Variants in RNF175 observed in about 807,000 individuals in gnomAD.
RNF175 encodes ring finger protein 175.
RNF175 carries 38 observed loss-of-function variants against 50.0 expected under a neutral mutation model. The observed-to-expected ratio is 0.76, with a 90% CI of 0.59 to 1.00. The LOEUF is 1.00. Ranked by LOEUF, RNF175 falls within the 50% of genes least tolerant of loss-of-function variation. RNF175 has a pLI of 0.00. For synonymous variants in RNF175, 155 were observed against 146.1 expected (o/e 1.06, Z -0.44); for missense variants, 388 against 409.6 (o/e 0.95, Z 0.46).
In RNF175 at chr4:153,723,484, CA is replaced by C. The variant is rs1428036324; in HGVS notation, c.402-27del. ...CTGTGGAGTGAAAAATGGGGAGAAA[CA>C]CAGAACACAGAAACACAGAAAAATG... On this transcript the variant is annotated intron_variant, in intron 4 of 8. Transcript: ENST00000347063. 8.2e-6 allele frequency: 8 copies of C among 971,862 alleles called. No individual in the cohort carries two copies. The South Asian group carries it at 1.1e-4, about 13-fold the overall frequency. 60.2% of individuals were successfully genotyped at this position (971,862 alleles called of 1,614,324 possible).
chr4:153,757,211 A>T (rs6857680), intron 1 of RNF175, among the ~76,000 whole-genome samples: 3 of 151,950 alleles, frequency 2.0e-5, no homozygotes, highest in Non-Finnish European at 4.4e-5. Flanking sequence ...ACCAGGATAT[A>T]TACTGACCTT....
chr4:153,744,592 T>C (rs978777697), intron 3 of RNF175, among the ~76,000 whole-genome samples: 1 of 152,314 alleles, frequency 6.6e-6, no homozygotes, highest in East Asian at 1.9e-4. Flanking sequence ...AATTTAGAGA[T>C]AATGATTAAT....
chr4:153,750,365 T>A (rs959515981), intron 2 of RNF175, among the ~76,000 whole-genome samples: 17 of 152,142 alleles, frequency 1.1e-4, no homozygotes, highest in African/African-American at 3.4e-4. Context: ...CAAAGAGCAG[T>A]GAATGCCTCA....
At chr4:153,743,165 T>A (rs1739769777) in intron 3 of RNF175, among the ~76,000 whole-genome samples, 1 of 152,184 alleles carries the variant, frequency 6.6e-6, no homozygotes, top group Admixed American at 6.6e-5. Context: ...TGGAAACCAG[T>A]GTTAGAATAA....
chr4:153,730,088 G>T lies in RNF175; in HGVS notation c.247-1727C>A, dbSNP rs536492630. ...CCGAAACCATATGCTAAGTAACCAA[G>T]ACTCAAGATGTGCTTACTTAAGCAT... On this transcript the variant is annotated intron_variant, in intron 3 of 8. Transcript: ENST00000347063. Among the ~76,000 whole-genome samples the T allele has an allele frequency of 9.2e-5, 14 of 152,296 alleles. No individual in the cohort carries two copies. In the East Asian group the frequency reaches 2.7e-3, roughly 29 times the overall value.
intron 3 of RNF175, among the ~76,000 whole-genome samples, chr4:153,730,610 C>A (rs143699594): frequency 7.6e-4 from 116 of 152,268 alleles, no homozygotes; most frequent in African/African-American, 2.8e-3. Context: ...AAAGTCTGAT[C>A]ATCTGTCGTT....
intron 1 of RNF175, among the ~76,000 whole-genome samples, chr4:153,753,524 T>C (rs899589552): frequency 6.7e-6 from 1 of 150,360 alleles, no homozygotes; most frequent in Non-Finnish European, 1.5e-5. Context: ...AAACACAAAA[T>C]AACTGTGTTT....
rs940399155 is a variant in RNF175, at chr4:153,710,305, T to A, written c.*64A>T. 4.8e-5 allele frequency: 63 copies of A among 1,317,416 alleles called. No homozygotes were observed. The highest frequency in any genetic ancestry group is 6.1e-5 in the Admixed American group (2 of 32,710). The allele number at this position is 1,317,416 out of a possible 1,614,324, so 81.6% of individuals were successfully genotyped here. ...GGGATCATCTCTAAAATTAAAAAAATTAATATTAAATGTTGGACCAAGGAT... is the reference window on the plus strand; with the variant it reads ...GGGATCATCTCTAAAATTAAAAAAAATAATATTAAATGTTGGACCAAGGAT... On this transcript the variant is annotated 3_prime_UTR_variant, in exon 9 of 9. Transcript: ENST00000347063.
At chr4:153,742,534 G>A (rs959443098) in intron 3 of RNF175, among the ~76,000 whole-genome samples, 8 of 152,078 alleles carry the variant, frequency 5.3e-5, no homozygotes, top group African/African-American at 1.4e-4. Context: ...TCAACTAATA[G>A]TACTGAACAC....
intron 3 of RNF175, among the ~76,000 whole-genome samples, chr4:153,747,583 A>G (rs1263600405): frequency 6.6e-6 from 1 of 152,196 alleles, no homozygotes; most frequent in African/African-American, 2.4e-5. Context: ...TATTTCTACC[A>G]ACATTCTGAC....
intron 1 of RNF175, among the ~76,000 whole-genome samples, chr4:153,752,274 G>C (rs1394423475): frequency 6.6e-6 from 1 of 152,202 alleles, no homozygotes; most frequent in Non-Finnish European, 1.5e-5. Flanking sequence ...AGCAGAAAGG[G>C]ACCTGTGGAA....
intron 3 of RNF175, among the ~76,000 whole-genome samples, chr4:153,731,689 A>G (rs555902791): frequency 1.3e-4 from 20 of 150,426 alleles, no homozygotes; most frequent in African/African-American, 4.1e-4. Flanking sequence ...GGGAGGGAGG[A>G]AGGAAGGAAG....
chr4:153,755,473 A>G (rs1740513929), intron 1 of RNF175, among the ~76,000 whole-genome samples: 1 of 152,242 alleles, frequency 6.6e-6, no homozygotes, highest in Non-Finnish European at 1.5e-5. Context: ...TTTAAAGAAT[A>G]TAGAAAAACA....
chr4:153,744,039 C>T (rs1467231107), intron 3 of RNF175, among the ~76,000 whole-genome samples: 2 of 152,174 alleles, frequency 1.3e-5, no homozygotes, highest in Admixed American at 1.3e-4. Context: ...CTTACTGGTG[C>T]AGTGACACAC....
chr4:153,751,381 T>A, intron 2 of RNF175, 57 bp downstream of exon 2: 1 of 1,204,674 alleles, frequency 8.3e-7, no homozygotes, highest in South Asian at 1.4e-5. Flanking sequence ...TTCTCAACTG[T>A]TAAGATAAAA....
intron 3 of RNF175, among the ~76,000 whole-genome samples, chr4:153,740,945 T>C (rs1739623691): frequency 6.6e-6 from 1 of 152,248 alleles, no homozygotes. Flanking sequence ...ACTAGTGTCC[T>C]TGTTTCTGTC....
At chr4:153,756,234 C>G (rs533089131) in intron 1 of RNF175, among the ~76,000 whole-genome samples, 1 of 152,228 alleles carries the variant, frequency 6.6e-6, no homozygotes, top group South Asian at 2.1e-4. Context: ...GTTCCAGCAC[C>G]ACATTTCTAT....
intron 3 of RNF175, among the ~76,000 whole-genome samples, chr4:153,732,861 G>A (rs560461562): frequency 6.6e-6 from 1 of 152,224 alleles, no homozygotes; most frequent in Non-Finnish European, 1.5e-5. Flanking sequence ...AGCTGGAAAG[G>A]GAAAAATTCA....
At chr4:153,756,528 C>T (rs1214421943) in intron 1 of RNF175, among the ~76,000 whole-genome samples, 1 of 152,194 alleles carries the variant, frequency 6.6e-6, no homozygotes, top group Non-Finnish European at 1.5e-5. Flanking sequence ...ACCCACTACT[C>T]TCCTGTTGAC....
Sources: gnomAD v4.1 joint callset for allele counts (sites outside exome capture counted in the v4.1 genomes callset) on GRCh38, gnomAD v4.1.1 for gene constraint, MANE v1.5 for transcripts, NCBI Gene and HGNC (gene_info 2026-07-23, HGNC 2026-07-21) for gene names.